NPAS2: variants seen among roughly 807,000 people sequenced by gnomAD.
The protein encoded by NPAS2 is neuronal PAS domain protein 2, also known as neuronal PAS domain-containing protein 2.
In NPAS2, 23 loss-of-function variants were observed where a neutral mutation model predicts 107.5. The ratio of observed to expected loss-of-function variants is 0.21; its 90% CI spans 0.15 to 0.30. The LOEUF (loss-of-function observed/expected upper bound fraction) is 0.30, where lower values mean the gene tolerates loss of function less well. NPAS2 is among the 10% of genes least tolerant of loss of function. The probability of loss-of-function intolerance (pLI) is 1.00; values close to 1 mark genes in which losing one functional copy is unlikely to be tolerated. For synonymous variants in NPAS2, 403 were observed against 417.5 expected (o/e 0.97, Z 0.42); for missense variants, 756 against 1,043.3 (o/e 0.72, Z 3.79).
At chr2:100,984,529 C>A (rs1677663652) in intron 16 of NPAS2, 1 of 152,062 alleles carries the variant, frequency 6.6e-6, no homozygotes, top group African/African-American at 2.4e-5. Context: ...AAGCAGATAA[C>A]ACTAATGAAA....
At chr2:100,863,110 A>G (rs527379787) in intron 1 of NPAS2, among the ~76,000 whole-genome samples, 3 of 152,332 alleles carry the variant, frequency 2.0e-5, no homozygotes, top group African/African-American at 2.4e-5. Flanking sequence ...CTGAAAGCCT[A>G]CTTTGAAACA....
intron 1 of NPAS2, among the ~76,000 whole-genome samples, chr2:100,822,004 T>C (rs192932425): frequency 6.8e-4 from 104 of 152,344 alleles, no homozygotes; most frequent in African/African-American, 2.5e-3. Flanking sequence ...ATCTTCCATC[T>C]CACAGAGAGA....
chr2:100,966,702 TC>T (rs1305560480), intron 10 of NPAS2, among the ~76,000 whole-genome samples: 2 of 150,708 alleles, frequency 1.3e-5, no homozygotes, highest in Non-Finnish European at 3.0e-5. Context: ...CAAGCAATTC[TC>T]CCACCTCAGC....
At chr2:100,880,754 G>A (rs1230239295) in intron 1 of NPAS2, among the ~76,000 whole-genome samples, 1 of 151,994 alleles carries the variant, frequency 6.6e-6, no homozygotes, top group Non-Finnish European at 1.5e-5. Flanking sequence ...TCTATGTTAT[G>A]TGAATTTTAC....
chr2:100,961,285 A>G (rs987952290), intron 7 of NPAS2, among the ~76,000 whole-genome samples: 1 of 152,236 alleles, frequency 6.6e-6, no homozygotes, highest in Admixed American at 6.5e-5. Context: ...TAGAATATGC[A>G]AGAAGACTCG....
chr2:100,987,473 T>C (rs1677845697), intron 16 of NPAS2: 1 of 152,602 alleles, frequency 6.6e-6, no homozygotes, highest in Admixed American at 6.5e-5. Flanking sequence ...ATATCCATGT[T>C]ATTGGCCTGC....
intron 7 of NPAS2, among the ~76,000 whole-genome samples, chr2:100,957,741 AC>A (rs1454898062): frequency 2.0e-5 from 3 of 152,146 alleles, no homozygotes; most frequent in Non-Finnish European, 4.4e-5. Flanking sequence ...CCTGGCTAAC[AC>A]AGTGAAACCC....
At chr2:100,896,403 G>A (rs1417900621) in intron 1 of NPAS2, among the ~76,000 whole-genome samples, 2 of 152,248 alleles carry the variant, frequency 1.3e-5, no homozygotes, top group South Asian at 2.1e-4. Context: ...CCCCAAGCCT[G>A]TGTCTGTGGG....
At chr2:100,979,498 ATATATTTTTTTT>A (rs1187372013) in intron 15 of NPAS2, among the ~76,000 whole-genome samples, 5 of 56,850 alleles carry the variant, frequency 8.8e-5, no homozygotes, top group African/African-American at 3.8e-4. Context: ...ATATATATAT[ATATATTTTTTTT>A]TTTTTTTTTT....
chr2:100,948,995 A>G (rs905260723), intron 6 of NPAS2, among the ~76,000 whole-genome samples: 1 of 152,192 alleles, frequency 6.6e-6, no homozygotes, highest in Non-Finnish European at 1.5e-5. Flanking sequence ...CCTGTCGTAC[A>G]TCTGATTTTA....
At chr2:100,819,129 C>T (rs1398657813), upstream of NPAS2, among the ~76,000 whole-genome samples, 1 of 151,236 alleles carries the variant, frequency 6.6e-6, no homozygotes, top group East Asian at 2.0e-4. This position sits in a 1 kb window ranked among gnomAD's most constrained non-coding sequence, Gnocchi z 5.8. Flanking sequence ...CTTGGATTCT[C>T]GCCTGTCTCC....
intron 2 of NPAS2, among the ~76,000 whole-genome samples, chr2:100,913,603 A>G (rs566738601): frequency 6.6e-6 from 1 of 152,278 alleles, no homozygotes; most frequent in East Asian, 1.9e-4. Context: ...AAATGGATTA[A>G]AAGGAAGAGC....
chr2:100,977,337 C>T (rs1244551821), intron 14 of NPAS2, among the ~76,000 whole-genome samples: 1 of 152,226 alleles, frequency 6.6e-6, no homozygotes, highest in Non-Finnish European at 1.5e-5. Context: ...CGCACGTCGT[C>T]CTGCTTGATG....
intron 1 of NPAS2, among the ~76,000 whole-genome samples, chr2:100,898,593 T>G (rs1681570789): frequency 6.6e-6 from 1 of 151,970 alleles, no homozygotes; most frequent in South Asian, 2.1e-4. Flanking sequence ...AACAGAGGAG[T>G]TATATTTTCA....
intron 1 of NPAS2, among the ~76,000 whole-genome samples, chr2:100,852,818 C>T (rs1678289472): frequency 1.3e-5 from 2 of 152,140 alleles, no homozygotes. Context: ...TGCACAGGCA[C>T]CAGACTCGGT....
chr2:100,852,270 G>A (rs914616570), intron 1 of NPAS2, among the ~76,000 whole-genome samples: 9 of 152,088 alleles, frequency 5.9e-5, no homozygotes, highest in East Asian at 3.9e-4. Flanking sequence ...GGTGGTGGGT[G>A]CCTGTAGTCC....
At chr2:100,833,043 A>G (rs994056834) in intron 1 of NPAS2, among the ~76,000 whole-genome samples, 1 of 152,178 alleles carries the variant, frequency 6.6e-6, no homozygotes, top group Non-Finnish European at 1.5e-5. Context: ...CAGCCTGTTT[A>G]TATGAGACAC....
At chr2:100,971,451 C>T (rs1272983624) in intron 12 of NPAS2, among the ~76,000 whole-genome samples, 1 of 152,100 alleles carries the variant, frequency 6.6e-6, no homozygotes, top group African/African-American at 2.4e-5. Context: ...GGGAGTTCCT[C>T]CCTCCCCGGC....
chr2:100,977,218 C>G (rs1677075277), intron 14 of NPAS2: 1 of 169,900 alleles, frequency 5.9e-6, no homozygotes, highest in Non-Finnish European at 1.3e-5. Flanking sequence ...TGCCCCAGTC[C>G]TCACTGCCTG....
Sources: allele counts gnomAD v4.1 joint callset (sites outside exome capture counted in the v4.1 genomes callset), GRCh38; gene constraint gnomAD v4.1.1; non-coding constraint Gnocchi (gnomAD v3.1); transcripts MANE v1.5; gene names NCBI Gene and HGNC (gene_info 2026-07-23, HGNC 2026-07-21).